The following FRMD4A variants were observed in gnomAD, a reference collection of about 807,000 sequenced individuals.
The protein encoded by FRMD4A is FERM domain containing 4A.
A neutral mutation model predicts 129.1 loss-of-function variants in FRMD4A; 29 were observed. The ratio of observed to expected loss-of-function variants is 0.22; its 90% confidence interval spans 0.17 to 0.31. The LOEUF (loss-of-function observed/expected upper bound fraction) is 0.31, where lower values mean the gene tolerates loss of function less well. FRMD4A is among the 10% of genes least tolerant of loss of function. The pLI, the probability that FRMD4A is intolerant of heterozygous loss-of-function variation, is 1.00. For synonymous variants in FRMD4A, 634 were observed against 571.6 expected, an observed-to-expected ratio of 1.11 and a Z score of -1.56; for missense variants, 1,272 against 1,375.8, an observed-to-expected ratio of 0.92 and a Z score of 1.19.
chr10:14,282,337 G>C (rs566649122), intron 2 of FRMD4A, among the ~76,000 whole-genome samples: 2 of 152,232 alleles, frequency 1.3e-5, no homozygotes, highest in East Asian at 3.9e-4. Context: ...AGACCAAGAA[G>C]TTTCACAGTT....
chr10:14,063,253 T>C (rs546674443), intron 2 of FRMD4A, among the ~76,000 whole-genome samples: 3 of 152,172 alleles, frequency 2.0e-5, no homozygotes, highest in Middle Eastern at 3.4e-3. Flanking sequence ...TTAGTGCGTG[T>C]TCGGTTCCAG....
chr10:14,055,874 G>A (rs930667885), intron 2 of FRMD4A, among the ~76,000 whole-genome samples: 13 of 152,154 alleles, frequency 8.5e-5, no homozygotes, highest in African/African-American at 3.1e-4. Context: ...CATGTACAAT[G>A]AAATTATCAT....
At chr10:13,968,439 C>T (rs1241355611) in intron 2 of FRMD4A, among the ~76,000 whole-genome samples, 3 of 152,208 alleles carry the variant, frequency 2.0e-5, no homozygotes, top group Non-Finnish European at 2.9e-5. Context: ...TTGTGACACA[C>T]TTTCACATCC....
intron 2 of FRMD4A, among the ~76,000 whole-genome samples, chr10:14,250,855 T>C (rs1175758736): frequency 6.6e-6 from 1 of 152,172 alleles, no homozygotes; most frequent in Non-Finnish European, 1.5e-5. Flanking sequence ...CTGGGAGTGA[T>C]GTCCAGCACC....
chr10:14,097,806 C>T lies in FRMD4A; in HGVS notation c.45+232252G>A, dbSNP rs538628081. Among the ~76,000 whole-genome samples the T allele has an allele frequency of 3.3e-5, 5 of 149,534 alleles. No individual in the cohort carries two copies. The South Asian group carries it at 1.0e-3, about 31-fold the overall frequency. The stretch of plus-strand genomic sequence containing the variant: ...AAAAGAGAAAAAATCAGAAAACTTC[C>T]AAGATAATTATGATAAGAATAGCTA... On this transcript the variant is annotated intron_variant, in intron 2 of 24. Coordinates refer to ENST00000357447, the MANE Select transcript of FRMD4A (RefSeq NM_018027.5).
intron 2 of FRMD4A, among the ~76,000 whole-genome samples, chr10:14,025,953 G>A (rs1419387904): frequency 1.3e-5 from 2 of 152,272 alleles, no homozygotes; most frequent in African/African-American, 2.4e-5. Context: ...TCAGGGACAC[G>A]TGGCTGTCAA....
At position 13,685,668 on chromosome 10, in the gene FRMD4A, G is replaced by C. The variant is rs539895644; in HGVS notation, c.1117+8230C>G. ...GAAGTGATAGTTATATCTCTTTTTA[G>C]TATTTAAAATTTCATCACAGTCCTA... On this transcript the variant is annotated intron_variant, in intron 15 of 24. Transcript: ENST00000357447. 5.1e-6 allele frequency: 5 copies of C among 982,768 alleles called. No individual in the cohort carries two copies. The South Asian group carries it at 1.9e-4, about 37-fold the overall frequency. The allele number at this position is 982,768 out of a possible 1,614,324, so 60.9% of individuals were successfully genotyped here.
At chr10:13,668,881 C>A (rs1234902520) in intron 17 of FRMD4A, among the ~76,000 whole-genome samples, 1 of 152,080 alleles carries the variant, frequency 6.6e-6, no homozygotes, top group Non-Finnish European at 1.5e-5. Flanking sequence ...TACGGTGTGG[C>A]ACCCCTCCTT....
At chr10:13,783,143 G>C in intron 5 of FRMD4A, 137 bp from the exon 6 acceptor site, 1 of 621,396 alleles carries the variant, frequency 1.6e-6, no homozygotes, top group Non-Finnish European at 2.9e-6. Context: ...ACCATCCATG[G>C]TTTTTCTATG....
At position 13,821,469 on chromosome 10, in the gene FRMD4A, C is replaced by T. The variant is rs918625971; in HGVS notation, c.112-10561G>A. Among the ~76,000 whole-genome samples, 44 of 152,162 alleles carry T rather than the reference C, an allele frequency of 2.9e-4. No homozygotes were observed. Among genetic ancestry groups the T allele is most frequent in the African/African-American group, 7.5e-4 (31 of 41,426 alleles). The stretch of plus-strand genomic sequence containing the variant: ...TGCCCAGCCTGAACCGGGATCCATT[C>T]GTGCACATGAGACAAATCCTTTACC... On this transcript the variant is annotated intron_variant, in intron 3 of 24. Transcript: ENST00000357447. The surrounding 1 kb of genome is among the most constrained non-coding windows in gnomAD (Gnocchi z 4.3).
At position 14,322,195 on chromosome 10, in the gene FRMD4A, C is replaced by T. The variant is rs140568522; in HGVS notation, c.45+7863G>A. Among the ~76,000 whole-genome samples the T allele has an allele frequency of 5.2e-4, 79 of 152,176 alleles. No individual in the cohort carries two copies. In the East Asian group the frequency reaches 7.5e-3, roughly 15 times the overall value. On this transcript the variant is annotated intron_variant, in intron 2 of 24. Transcript: ENST00000357447. ...TAGAGGCCTGGACTAAGGCAGGGGA[C>T]GTGAGTACATAGGAGGGGCCAGATT...
chr10:14,125,761 G>T (rs764035182), intron 2 of FRMD4A, among the ~76,000 whole-genome samples: 1 of 151,954 alleles, frequency 6.6e-6, no homozygotes, highest in Non-Finnish European at 1.5e-5. Context: ...ATGCGCACGC[G>T]CACACATACA....
At chr10:14,066,466 G>A (rs1285556523) in intron 2 of FRMD4A, among the ~76,000 whole-genome samples, 1 of 152,076 alleles carries the variant, frequency 6.6e-6, no homozygotes, top group African/African-American at 2.4e-5. Context: ...TTTGAATCTG[G>A]ATAGAGAGAA....
At chr10:13,652,013 TCATGTTA>T in intron 23 of FRMD4A, 39 bp from the exon 24 acceptor site, 1 of 1,094,280 alleles carries the variant, frequency 9.1e-7, no homozygotes, top group Non-Finnish European at 1.4e-6. Flanking sequence ...AGAAGAGAGG[TCATGTTA>T]CAGAGAGACA....
chr10:14,112,436 A>G (rs558117683), intron 2 of FRMD4A, among the ~76,000 whole-genome samples: 114 of 152,350 alleles, frequency 7.5e-4, no homozygotes, highest in African/African-American at 2.7e-3. Flanking sequence ...TTATTTCAAA[A>G]GAATAAAATA....
intron 2 of FRMD4A, among the ~76,000 whole-genome samples, chr10:14,218,185 T>C (rs963722318): frequency 6.6e-6 from 1 of 152,088 alleles, no homozygotes; most frequent in African/African-American, 2.4e-5. Context: ...AATTCTATCA[T>C]GATTCTGTTT....
intron 2 of FRMD4A, among the ~76,000 whole-genome samples, chr10:14,072,583 C>T (rs1189976512): frequency 1.3e-5 from 2 of 152,200 alleles, no homozygotes; most frequent in Non-Finnish European, 2.9e-5. Context: ...GTGATGCATG[C>T]TCTCATTTCC....
At chr10:13,815,020 T>C (rs912319478) in intron 3 of FRMD4A, among the ~76,000 whole-genome samples, 4 of 152,278 alleles carry the variant, frequency 2.6e-5, no homozygotes, top group Middle Eastern at 3.4e-3. Flanking sequence ...TCATGTTACA[T>C]TGAACTCTCC....
rs555538662 is a variant in FRMD4A, at chr10:14,104,370, TC to T, written c.45+225687del. On this transcript the variant is annotated intron_variant, in intron 2 of 24. Coordinates refer to ENST00000357447, the MANE Select transcript of FRMD4A (RefSeq NM_018027.5). Reference sequence around the variant, plus strand: ...TGAGGTCTACACTGTGGTGCTCACTTCCCTGCTCTAGATCTCTTACTTTGAT... The same window carrying T: ...TGAGGTCTACACTGTGGTGCTCACTTCCTGCTCTAGATCTCTTACTTTGAT... Among the ~76,000 whole-genome samples, 287 of 152,350 alleles carry T rather than the reference TC, an allele frequency of 1.9e-3. 2 individuals carry two copies. Among genetic ancestry groups the T allele is most frequent in the African/African-American group, 6.8e-3 (281 of 41,582 alleles).
Sources: gnomAD v4.1 joint callset for allele counts (sites outside exome capture counted in the v4.1 genomes callset) on GRCh38, gnomAD v4.1.1 for gene constraint, Gnocchi (gnomAD v3.1) non-coding constraint, MANE v1.5 for transcripts, NCBI Gene and HGNC (gene_info 2026-07-23, HGNC 2026-07-21) for gene names.